Variants in GTF3C1 observed in about 807,000 individuals in gnomAD.
The protein encoded by GTF3C1 is general transcription factor IIIC subunit 1.
GTF3C1 carries 57 observed loss-of-function variants against 226.7 expected under a neutral mutation model. The ratio of observed to expected loss-of-function variants is 0.25; its 90% CI spans 0.20 to 0.31. The LOEUF (loss-of-function observed/expected upper bound fraction) is 0.31, where lower values mean the gene tolerates loss of function less well. Among genes scored for constraint, GTF3C1 ranks in the 10% least tolerant of loss-of-function variants. The probability of loss-of-function intolerance (pLI) is 1.00; values close to 1 mark genes in which losing one functional copy is unlikely to be tolerated. For synonymous variants in GTF3C1, 1,090 were observed against 1,084.8 expected (o/e 1.00, Z -0.09); for missense variants, 2,217 against 2,776.1 (o/e 0.80, Z 4.53).
chr16:27,477,573 G>A (rs1380240705), intron 28 of GTF3C1, among the ~76,000 whole-genome samples: 1 of 152,344 alleles, frequency 6.6e-6, no homozygotes, highest in East Asian at 1.9e-4. Context: ...CCAAAGTGCT[G>A]GGATTACAGG....
intron 6 of GTF3C1, among the ~76,000 whole-genome samples, chr16:27,515,476 A>C (rs1346425933): frequency 6.6e-6 from 1 of 151,736 alleles, no homozygotes; most frequent in Non-Finnish European, 1.5e-5. Flanking sequence ...AAAAAAAAAA[A>C]ACAAAAAAAA....
Position 27,462,107 on chromosome 16 carries a change from A to C in GTF3C1, c.6117+187T>G. On this transcript the variant is annotated intron_variant, in intron 36 of 36. Coordinates refer to ENST00000356183, the MANE Select transcript of GTF3C1 (RefSeq NM_001520.4). The surrounding 1 kb of genome is among the most constrained non-coding windows in gnomAD (Gnocchi z 4.5). ...CACCCCATCTTCCAGCCTGGTCAGC[A>C]GCATGGAGCTGGTGAAGGACACTGA... 1 of 591,638 alleles carries C rather than the reference A, an allele frequency of 1.7e-6. No individual in the cohort carries two copies. Among genetic ancestry groups the C allele is most frequent in the Non-Finnish European group, 3.0e-6 (1 of 331,982 alleles). 36.6% of individuals were successfully genotyped at this position (591,638 alleles called of 1,614,324 possible).
intron 7 of GTF3C1, 70 bp downstream of exon 7, chr16:27,511,679 T>G: frequency 6.6e-7 from 1 of 1,520,246 alleles, no homozygotes; most frequent in Non-Finnish European, 9.1e-7. Flanking sequence ...TCTCTCGACA[T>G]GTGGGCAAAG....
chr16:27,464,547 G>A lies in GTF3C1; in HGVS notation c.5645C>T (p.Pro1882Leu), dbSNP rs1276819542. ...ETDAEGTQMT[P>L]AKRPALQDSN... ...GTCCTGGAGCGCTGGCCTCTTGGCA[G>A]GGGTCATCTGGGTGCCCTCGGCGTC... is the stretch of plus-strand genomic sequence containing the variant. Residue 1882 changes from proline to leucine, a missense_variant, in exon 34 of 37, where the codon CCT becomes CTT. Physicochemically the swap from Pro to Leu is moderately conservative, Grantham distance 98. This residue lies in a region of GTF3C1 where 455 missense variants were observed against 441.9 expected (regional missense o/e 1.03). Coordinates refer to ENST00000356183, the MANE Select transcript of GTF3C1 (RefSeq NM_001520.4). 3 of 1,499,976 alleles carry A rather than the reference G, an allele frequency of 2.0e-6. No homozygotes were observed. The highest frequency in any genetic ancestry group is 2.7e-6 in the Non-Finnish European group (3 of 1,124,552). The allele number at this position is 1,499,976 out of a possible 1,614,324, so 92.9% of individuals were successfully genotyped here. A position where few individuals can be genotyped will look rare whatever the true frequency, so the allele number is the denominator to read the frequency against.
chr16:27,533,360 C>T lies in GTF3C1; in HGVS notation c.780G>A (p.Glu260=). Residue 260 remains glutamate, a synonymous_variant, in exon 5 of 37, where the codon GAG becomes GAA. Transcript: ENST00000356183. Reference sequence around the variant, plus strand: ...GTGTGCTCAGCATGACCGAAAGCTTCTCCATGAGGATGTCGTATTTGCTCC... The same window carrying T: ...GTGTGCTCAGCATGACCGAAAGCTTTTCCATGAGGATGTCGTATTTGCTCC... ...DRRSKYDILM[E]KLSVMLSTRT... 6.2e-7 allele frequency: 1 copy of T among 1,606,808 alleles called. No individual in the cohort carries two copies. Among genetic ancestry groups the T allele is most frequent in the South Asian group, 1.1e-5 (1 of 90,924 alleles).
At chr16:27,533,933 G>T (rs540361415) in intron 4 of GTF3C1, among the ~76,000 whole-genome samples, 1 of 152,334 alleles carries the variant, frequency 6.6e-6, no homozygotes, top group African/African-American at 2.4e-5. Context: ...TTGAATCTGG[G>T]AGGTGGAGGT....
intron 1 of GTF3C1, among the ~76,000 whole-genome samples, chr16:27,548,993 A>G (rs904676712): frequency 6.6e-6 from 1 of 152,122 alleles, no homozygotes; most frequent in Admixed American, 6.6e-5. Flanking sequence ...ATACCTACTA[A>G]AAATGCAAAA....
intron 23 of GTF3C1, 102 bp downstream of exon 23, chr16:27,488,125 T>A (rs2088171164): frequency 1.0e-6 from 1 of 971,542 alleles, no homozygotes; most frequent in Non-Finnish European, 1.6e-6. Flanking sequence ...CGGAAACCCG[T>A]GCTGAAGGGC....
In GTF3C1 at chr16:27,489,704, G is replaced by C. The variant is rs1164693392; in HGVS notation, c.3191C>G (p.Thr1064Arg). The change falls in exon 20 of 37, where the codon ACA (threonine) becomes AGA (arginine). Residue 1064 changes from threonine (T) to arginine (R), a missense_variant. Physicochemically the swap from Thr to Arg is moderately conservative, Grantham distance 71. Transcript: ENST00000356183. The part of the protein sequence containing the change: ...RCPRVRKNSS[T>R]DQGSDEEGSL... ...GCCCTCCTCGTCGCTGCCCTGGTCT[G>C]TGCTGCTGTTCTTCCTGACGCGCGG... is the stretch of plus-strand genomic sequence containing the variant. 1.2e-6 allele frequency: 2 copies of C among 1,612,068 alleles called. No individual in the cohort carries two copies. The highest frequency in any genetic ancestry group is 1.7e-6 in the Non-Finnish European group (2 of 1,179,766).
Position 27,470,366 on chromosome 16 carries a change from A to G in GTF3C1, c.4556T>C (p.Ile1519Thr). Reference sequence around the variant, plus strand: ...CAAAAACTGGAATGACTCCGTGCAGATGGTGCTTGGAAATCGCCACGTAAA... The same window carrying G: ...CAAAAACTGGAATGACTCCGTGCAGGTGGTGCTTGGAAATCGCCACGTAAA... ...RIFTWRFPST[I>T]CTESFQFLDR... The change falls in exon 31 of 37, where the codon ATC becomes ACC. Residue 1519 changes from isoleucine (I) to threonine (T), a missense_variant. Around this residue, in one of 12 missense-constraint regions of GTF3C1, gnomAD observed 546 missense variants for 663.0 expected, o/e 0.82. Transcript: ENST00000356183. The surrounding 1 kb of genome is among the most constrained non-coding windows in gnomAD (Gnocchi z 4.9). The G allele has an allele frequency of 6.2e-7, 1 of 1,613,952 alleles. No individual in the cohort carries two copies. The highest frequency in any genetic ancestry group is 8.5e-7 in the Non-Finnish European group (1 of 1,179,882).
Position 27,463,516 on chromosome 16 carries a change from C to A in GTF3C1, c.5924+25G>T. On this transcript the variant is annotated intron_variant, in intron 35 of 36. Coordinates refer to ENST00000356183, the MANE Select transcript of GTF3C1 (RefSeq NM_001520.4). This position sits in a 1 kb window ranked among gnomAD's most constrained non-coding sequence, Gnocchi z 4.9. ...CCCTGTCAAGAGCCCCGCCCCAGGC[C>A]CCGGAGCCAGAACCCCACACCCACC... 2 of 1,452,804 alleles carry A rather than the reference C, an allele frequency of 1.4e-6. No homozygotes were observed. The highest frequency in any genetic ancestry group is 2.8e-5 in the African/African-American group (2 of 72,036). The allele number at this position is 1,452,804 out of a possible 1,614,324, so 90.0% of individuals were successfully genotyped here. A position where few individuals can be genotyped will look rare whatever the true frequency, so the allele number is the denominator to read the frequency against.
chr16:27,527,973 C>CAAA (rs34471997), intron 6 of GTF3C1, among the ~76,000 whole-genome samples: 1 of 127,594 alleles, frequency 7.8e-6, no homozygotes, highest in Non-Finnish European at 1.7e-5. Context: ...GACCCTGTCT[C>CAAA]AAAAAAAAAA....
rs1219023949 is a variant in GTF3C1, at chr16:27,488,333, G to A, written c.3594C>T (p.Asp1198=). The A allele has an allele frequency of 1.2e-6, 2 of 1,613,964 alleles. No individual in the cohort carries two copies. Among genetic ancestry groups the A allele is most frequent in the Admixed American group, 3.3e-5 (2 of 60,016 alleles). Residue 1198 remains aspartate (D), a synonymous_variant, in exon 23 of 37, where the codon GAC becomes GAT. Transcript: ENST00000356183. Reference sequence around the variant, plus strand: ...GGTTTCGGTCCAGCGAGGGCTCTCGGTCCACCTCAAACTGCTCTTCCCAGC... The same window carrying A: ...GGTTTCGGTCCAGCGAGGGCTCTCGATCCACCTCAAACTGCTCTTCCCAGC... ...CAGWEEQFEV[D]REPSLDRNRR... is the part of the protein sequence containing the mutation.
chr16:27,502,712 C>T (rs2088424452), intron 11 of GTF3C1, 147 bp downstream of exon 11: 1 of 795,290 alleles, frequency 1.3e-6, no homozygotes, highest in African/African-American at 1.7e-5. Context: ...CTAAATCCTC[C>T]CTACCGCAAA....
chr16:27,466,377 G>A (rs1019779940), intron 32 of GTF3C1: 3 of 152,178 alleles, frequency 2.0e-5, no homozygotes, highest in Non-Finnish European at 4.4e-5. Flanking sequence ...TATTGTAATT[G>A]TTTTGGGGCA....
At position 27,524,155 on chromosome 16, in the gene GTF3C1, G is replaced by A. The variant is rs1028312991; in HGVS notation, c.973+4443C>T. The stretch of plus-strand genomic sequence containing the variant: ...GGCCGCAGGCTATACAGTGGGAAGC[G>A]GGTGTCTGTGGTGAAAGGGGAAGGT... On this transcript the variant is annotated intron_variant, in intron 6 of 36. Coordinates refer to ENST00000356183, the MANE Select transcript of GTF3C1 (RefSeq NM_001520.4). Among the ~76,000 whole-genome samples, 5 of 152,218 alleles carry A rather than the reference G, an allele frequency of 3.3e-5. No individual in the cohort carries two copies. The South Asian group carries it at 6.2e-4, about 19-fold the overall frequency.
rs115854251 is a variant in GTF3C1 at position 27,467,324 on chromosome 16, C to T, written c.5075-1784G>A. 6.7e-3 allele frequency among the ~76,000 whole-genome samples: 1,014 copies of T among 152,316 alleles called. 14 individuals carry two copies. Among genetic ancestry groups the T allele is most frequent in the African/African-American group, 0.023 (972 of 41,564 alleles). ...TGCCTGTGCTCTATAAACAGAACAG[C>T]AAAGCTGGATGACAGCACATCTGTT... On this transcript the variant is annotated intron_variant, in intron 32 of 36. Transcript: ENST00000356183.
chr16:27,517,948 T>C (rs1185007789), intron 6 of GTF3C1, among the ~76,000 whole-genome samples: 1 of 152,040 alleles, frequency 6.6e-6, no homozygotes, highest in Non-Finnish European at 1.5e-5. Context: ...AAAACCAGAG[T>C]AGCTGTGAGG....
intron 26 of GTF3C1, among the ~76,000 whole-genome samples, 183 bp from the exon 27 acceptor site, chr16:27,481,374 G>A (rs2088044875): frequency 6.6e-6 from 1 of 152,082 alleles, no homozygotes; most frequent in South Asian, 2.1e-4. Flanking sequence ...TCGGTCTGTA[G>A]AGGAGGCAAA....
Sources: gnomAD v4.1 joint callset for allele counts (sites outside exome capture counted in the v4.1 genomes callset) on GRCh38, gnomAD v4.1.1 for gene constraint, gnomAD v4.1.1 regional missense constraint, Gnocchi (gnomAD v3.1) non-coding constraint, MANE v1.5 for transcripts, NCBI Gene and HGNC (gene_info 2026-07-23, HGNC 2026-07-21) for gene names.